The following PKN2 variants were observed in gnomAD, a reference collection of about 807,000 sequenced individuals.
PKN2 encodes the protein protein kinase N2.
Under a neutral mutation model 119.1 loss-of-function variants are expected in PKN2, and 38 were observed. The observed-to-expected ratio is 0.32, with a 90% confidence interval of 0.25 to 0.42. PKN2 has a LOEUF of 0.42. Ranked by LOEUF, PKN2 falls within the 10% of genes least tolerant of loss-of-function variation. The pLI is 1.00. For synonymous variants in PKN2, 390 were observed against 384.9 expected, an observed-to-expected ratio of 1.01 and a Z score of -0.15; for missense variants, 850 against 1,165.1, an observed-to-expected ratio of 0.73 and a Z score of 3.94.
intron 11 of PKN2, 35 bp from the exon 12 acceptor site, chr1:88,805,856 T>C: frequency 6.2e-7 from 1 of 1,611,822 alleles, no homozygotes; most frequent in Middle Eastern, 1.7e-4. Flanking sequence ...AGACTTTCTA[T>C]TACTGTTTTG....
chr1:88,703,592 A>T (rs1337544884), intron 1 of PKN2, among the ~76,000 whole-genome samples: 1 of 152,134 alleles, frequency 6.6e-6, no homozygotes, highest in East Asian at 1.9e-4. Flanking sequence ...TCAAATAATT[A>T]TAGGGGTTTA....
At chr1:88,704,299 C>G (rs1420509886) in intron 1 of PKN2, among the ~76,000 whole-genome samples, 5 of 152,092 alleles carry the variant, frequency 3.3e-5, no homozygotes, top group African/African-American at 1.2e-4. Flanking sequence ...GATATTTCAC[C>G]ATGCTGCAGT....
chr1:88,755,136 TAAA>T (rs1202961499), intron 2 of PKN2, among the ~76,000 whole-genome samples: 1 of 152,168 alleles, frequency 6.6e-6, no homozygotes, highest in South Asian at 2.1e-4. Flanking sequence ...ACAGAGTTTT[TAAA>T]AAATTTTTTG....
At chr1:88,787,635 A>C (rs1007959417) in intron 8 of PKN2, among the ~76,000 whole-genome samples, 2 of 152,228 alleles carry the variant, frequency 1.3e-5, no homozygotes, top group African/African-American at 4.8e-5. Context: ...AATTACCTAA[A>C]CTACAAGCTT....
In PKN2 at chr1:88,828,100, CTT is replaced by C. The variant is rs551501307; in HGVS notation, c.2420-380_2420-379del. The stretch of plus-strand genomic sequence containing the variant: ...GGTTTGCTTTTTGGTATTTTTGAAA[CTT>C]ATTTTTTTTAGAATGTTGATTTTAT... On this transcript the variant is annotated intron_variant, in intron 18 of 21. Transcript: ENST00000370521. Among the ~76,000 whole-genome samples, 574 of 152,146 alleles carry C rather than the reference CTT, an allele frequency of 3.8e-3. 9 individuals carry two copies. The highest frequency in any genetic ancestry group is 0.032 in the Admixed American group (492 of 15,256).
At chr1:88,803,972 CAAAT>C (rs1193926566) in intron 8 of PKN2, among the ~76,000 whole-genome samples, 1 of 152,092 alleles carries the variant, frequency 6.6e-6, no homozygotes, top group South Asian at 2.1e-4. Flanking sequence ...AGCAATGAGA[CAAAT>C]AAATACAAAG....
intron 1 of PKN2, among the ~76,000 whole-genome samples, chr1:88,736,918 G>T (rs1381495164): frequency 1.3e-5 from 2 of 152,186 alleles, no homozygotes; most frequent in Admixed American, 6.5e-5. Context: ...GTGTCTCTCT[G>T]GGTGTGTGAG....
At position 88,813,565 on chromosome 1, in the gene PKN2, G is replaced by C; in HGVS notation, c.2111G>C (p.Cys704Ser). The change falls in exon 16 of 22, where the codon TGT becomes TCT. Residue 704 changes from cysteine to serine, a missense_variant. This residue lies in a region of PKN2 where 216 missense variants were observed against 252.8 expected (regional missense o/e 0.85). Coordinates refer to ENST00000370521, the MANE Select transcript of PKN2 (RefSeq NM_006256.4). ...AATATTTTCTTTTACAGCCTGATGT[G>C]TGAAAAAAGAATTTTTGAAACTGTG... Reference protein sequence around the residue: ...VARDEVDSLMCEKRIFETVNS... With the variant: ...VARDEVDSLMSEKRIFETVNS... 1 of 1,583,502 alleles carries C rather than the reference G, an allele frequency of 6.3e-7. No individual in the cohort carries two copies. Among genetic ancestry groups the C allele is most frequent in the Non-Finnish European group, 8.6e-7 (1 of 1,165,598 alleles).
chr1:88,826,454 A>G (rs1197708369), intron 18 of PKN2, among the ~76,000 whole-genome samples: 2 of 151,938 alleles, frequency 1.3e-5, no homozygotes, highest in African/African-American at 4.8e-5. Flanking sequence ...ATATAAATTT[A>G]TAGGGTAGAA....
intron 1 of PKN2, among the ~76,000 whole-genome samples, chr1:88,726,446 T>C (rs1667900810): frequency 6.6e-6 from 1 of 152,190 alleles, no homozygotes; most frequent in African/African-American, 2.4e-5. Flanking sequence ...TTTTTAAATC[T>C]TTATTCTCTT....
intron 2 of PKN2, among the ~76,000 whole-genome samples, chr1:88,755,916 CT>C (rs545204853): frequency 0.018 from 2,526 of 142,890 alleles, 55 homozygotes; most frequent in African/African-American, 0.054. Flanking sequence ...ATTGGTATAT[CT>C]TTTTTTTTTT....
intron 1 of PKN2, among the ~76,000 whole-genome samples, chr1:88,697,636 G>A: frequency 6.6e-6 from 1 of 152,098 alleles, no homozygotes; most frequent in East Asian, 1.9e-4. Context: ...ACTCCTTAAT[G>A]CCTGTGGGAT....
chr1:88,702,861 A>G (rs1317621232), intron 1 of PKN2, among the ~76,000 whole-genome samples: 1 of 152,194 alleles, frequency 6.6e-6, no homozygotes, highest in African/African-American at 2.4e-5. Context: ...GAAGTATTTC[A>G]TATTCTGTTC....
chr1:88,792,533 T>G (rs1670888054), intron 8 of PKN2, among the ~76,000 whole-genome samples: 2 of 152,186 alleles, frequency 1.3e-5, no homozygotes, highest in Non-Finnish European at 2.9e-5. Context: ...AGCCTACATT[T>G]CCAACCCATG....
rs1672193363 is a variant in PKN2 at position 88,820,182 on chromosome 1, ATATATATATATATAT to A, written c.2280-1758_2280-1744del. Among the ~76,000 whole-genome samples, 54 of 8,144 alleles carry A rather than the reference ATATATATATATATAT, an allele frequency of 6.6e-3. 3 individuals carry two copies. The highest frequency in any genetic ancestry group is 0.012 in the South Asian group (2 of 164). The allele number at this position is 8,144 out of a possible 152,430, so 5.3% of individuals were successfully genotyped here. On this transcript the variant is annotated intron_variant, in intron 16 of 21. Coordinates refer to ENST00000370521, the MANE Select transcript of PKN2 (RefSeq NM_006256.4). ...ATCAAACAAATCTTTTCAGAAACCT[ATATATATATATATAT>A]ATATATATATATATATATATATATA...
intron 15 of PKN2, among the ~76,000 whole-genome samples, chr1:88,812,793 C>A (rs1212169696): frequency 6.6e-6 from 1 of 151,978 alleles, no homozygotes; most frequent in African/African-American, 2.4e-5. Flanking sequence ...CTACTTAAGC[C>A]CAAAACATCT....
At chr1:88,798,158 A>G (rs909760736) in intron 8 of PKN2, among the ~76,000 whole-genome samples, 13 of 151,846 alleles carry the variant, frequency 8.6e-5, no homozygotes, top group African/African-American at 3.1e-4. Context: ...TAGGGGAATA[A>G]TAATTCTACC....
chr1:88,790,105 T>TTC (rs1670756183), intron 8 of PKN2, among the ~76,000 whole-genome samples: 1 of 152,188 alleles, frequency 6.6e-6, no homozygotes, highest in Non-Finnish European at 1.5e-5. Context: ...GAAGCATCCT[T>TTC]TCTGGGGCCT....
chr1:88,824,392 C>T lies in PKN2; in HGVS notation c.2419+6C>T, dbSNP rs369390544. ...TTTTGGTCTTTGCAAAGAAGGTAAT[C>T]GAATGTTTTTAAGTTTCTTTTCTGA... On this transcript the variant is annotated splice_donor_region_variant and intron_variant, in intron 18 of 21. Transcript: ENST00000370521. 11 of 1,519,250 alleles carry T rather than the reference C, an allele frequency of 7.2e-6. No homozygotes were observed. The African/African-American group carries it at 9.6e-5, about 13-fold the overall frequency. The allele number at this position is 1,519,250 out of a possible 1,614,324, so 94.1% of individuals were successfully genotyped here. A position where few individuals can be genotyped will look rare whatever the true frequency, so the allele number is the denominator to read the frequency against.
Sources: allele counts gnomAD v4.1 joint callset (sites outside exome capture counted in the v4.1 genomes callset), GRCh38; gene constraint gnomAD v4.1.1; regional missense constraint gnomAD v4.1.1; transcripts MANE v1.5; gene names NCBI Gene and HGNC (gene_info 2026-07-23, HGNC 2026-07-21).